NRG1: variants seen among roughly 807,000 people sequenced by gnomAD.
NRG1 encodes neuregulin 1, also known as pro-neuregulin-1, membrane-bound isoform.
Under a neutral mutation model 63.8 loss-of-function variants are expected in NRG1, and 18 were observed. The ratio of observed to expected loss-of-function variants is 0.28; its 90% CI spans 0.19 to 0.42. The LOEUF is 0.42. Among genes scored for constraint, NRG1 ranks in the 10% least tolerant of loss-of-function variants. The probability of loss-of-function intolerance (pLI) is 1.00; values close to 1 mark genes in which losing one functional copy is unlikely to be tolerated. For missense variants in NRG1, 762 were observed against 814.7 expected (o/e 0.94, Z 0.79); for synonymous variants, 302 against 301.3 (o/e 1.00, Z -0.02).
chr8:32,147,711 A>G (rs1248906582), intron 1 of NRG1, among the ~76,000 whole-genome samples: 2 of 152,030 alleles, frequency 1.3e-5, no homozygotes, highest in East Asian at 1.9e-4. Context: ...TTGGTATTCA[A>G]TTAATACTTG....
chr8:31,925,449 T>C (rs982913625), intron 1 of NRG1, among the ~76,000 whole-genome samples: 4 of 152,102 alleles, frequency 2.6e-5, no homozygotes, highest in African/African-American at 9.7e-5. Flanking sequence ...GTTAATACTT[T>C]ATGACAAATT....
intron 1 of NRG1, among the ~76,000 whole-genome samples, chr8:31,822,543 C>T (rs949409314): frequency 1.3e-5 from 2 of 152,152 alleles, no homozygotes; most frequent in Non-Finnish European, 2.9e-5. Context: ...GCACAGCAGC[C>T]ACTAGGCCTC....
intron 5 of NRG1, among the ~76,000 whole-genome samples, chr8:32,693,365 C>T (rs1397143416): frequency 6.6e-6 from 1 of 151,892 alleles, no homozygotes; most frequent in East Asian, 1.9e-4. Context: ...ACTACAGGTG[C>T]CTGCCACCAC....
intron 1 of NRG1, among the ~76,000 whole-genome samples, chr8:31,857,787 A>G (rs914299343): frequency 1.6e-4 from 24 of 152,212 alleles, no homozygotes; most frequent in Non-Finnish European, 3.1e-4. Flanking sequence ...AATTCAAGCA[A>G]TTTCCTTATT....
chr8:32,049,047 A>T (rs547868604), intron 1 of NRG1, among the ~76,000 whole-genome samples: 45 of 152,180 alleles, frequency 3.0e-4, no homozygotes, highest in Admixed American at 5.2e-4. Context: ...AAAGAACTTG[A>T]AGACCGCAAA....
intron 1 of NRG1, among the ~76,000 whole-genome samples, chr8:32,038,873 T>A (rs368427001): frequency 1.3e-5 from 2 of 152,076 alleles, no homozygotes; most frequent in Admixed American, 1.3e-4. Context: ...AGGAATGCTG[T>A]CCCTGGAAAC....
At chr8:31,755,823 C>A (rs186905354) in intron 1 of NRG1, among the ~76,000 whole-genome samples, 3 of 151,994 alleles carry the variant, frequency 2.0e-5, no homozygotes, top group African/African-American at 7.2e-5. Flanking sequence ...ATGTGAGAAG[C>A]GAATCACAAT....
chr8:32,679,847 C>T (rs1808138333), intron 5 of NRG1, among the ~76,000 whole-genome samples: 1 of 152,162 alleles, frequency 6.6e-6, no homozygotes. Context: ...GAAGTTATTG[C>T]TAATGCACTT....
rs77126207 is a variant in NRG1 at position 32,011,461 on chromosome 8, G to A, written c.37+372030G>A. ...AGGTTAGGCATTCATCAAAATGTCA[G>A]AATGATTACAGTACAGATCTAAAAT... is the stretch of plus-strand genomic sequence containing the variant. On this transcript the variant is annotated intron_variant, in intron 1 of 10. Transcript: ENST00000519301. Among the ~76,000 whole-genome samples the A allele has an allele frequency of 5.2e-3, 794 of 152,232 alleles. 17 individuals are homozygous for A. In the East Asian group the frequency reaches 0.064, roughly 12 times the overall value.
At chr8:31,672,715 T>C (rs542928739) in intron 1 of NRG1, among the ~76,000 whole-genome samples, 1 of 152,276 alleles carries the variant, frequency 6.6e-6, no homozygotes, top group East Asian at 1.9e-4. Context: ...AAAATTGCAA[T>C]AATTAAACTG....
At chr8:32,238,445 GA>G (rs111889956) in intron 1 of NRG1, among the ~76,000 whole-genome samples, 5,311 of 106,264 alleles carry the variant, frequency 0.05, 106 homozygotes, top group East Asian at 0.089. Context: ...TTCTCAAAAA[GA>G]AAAAAAAAAA....
At chr8:31,772,702 T>C (rs1480273466) in intron 1 of NRG1, among the ~76,000 whole-genome samples, 5 of 152,134 alleles carry the variant, frequency 3.3e-5, no homozygotes. Context: ...ATTTTCTGCT[T>C]CCTTCCTTAT....
chr8:32,008,052 G>A (rs1478507276), intron 1 of NRG1, among the ~76,000 whole-genome samples: 2 of 151,848 alleles, frequency 1.3e-5, no homozygotes, highest in Non-Finnish European at 2.9e-5. Context: ...AGGTGGGACT[G>A]GTATATTTCT....
intron 1 of NRG1, among the ~76,000 whole-genome samples, chr8:32,455,558 T>C (rs1387155873): frequency 6.6e-6 from 1 of 152,168 alleles, no homozygotes; most frequent in East Asian, 1.9e-4. Flanking sequence ...AAAACAACAG[T>C]ATAGCAGGCA....
intron 5 of NRG1, among the ~76,000 whole-genome samples, chr8:32,712,375 C>T (rs1818049625): frequency 2.6e-5 from 4 of 152,118 alleles, no homozygotes; most frequent in Admixed American, 2.6e-4. Context: ...ATATTTGATA[C>T]CTTTCTTTTT....
At chr8:32,217,762 C>T (rs1477685558) in intron 1 of NRG1, among the ~76,000 whole-genome samples, 2 of 152,092 alleles carry the variant, frequency 1.3e-5, no homozygotes, top group Non-Finnish European at 2.9e-5. Context: ...GAAATCTTTA[C>T]CTAGGATATG....
intron 1 of NRG1, among the ~76,000 whole-genome samples, chr8:32,064,281 T>C (rs899008): frequency 0.97 from 147,877 of 152,196 alleles, 71,967 homozygotes; most frequent in East Asian, 1. Flanking sequence ...CAAGATGGGA[T>C]GGAGATTCTG....
chr8:32,240,959 C>T (rs1848040872), intron 1 of NRG1, among the ~76,000 whole-genome samples: 1 of 151,930 alleles, frequency 6.6e-6, no homozygotes, highest in Non-Finnish European at 1.5e-5. Context: ...ACCTGAGACT[C>T]CAGGAGAGTA....
At chr8:32,630,484 T>C (rs957734216) in intron 5 of NRG1, among the ~76,000 whole-genome samples, 14 of 152,218 alleles carry the variant, frequency 9.2e-5, no homozygotes, top group Admixed American at 9.2e-4. Context: ...AAAAGGTATA[T>C]GCATTAAACA....
Sources: gnomAD v4.1 joint callset for allele counts (sites outside exome capture counted in the v4.1 genomes callset) on GRCh38, gnomAD v4.1.1 for gene constraint, MANE v1.5 for transcripts, NCBI Gene and HGNC (gene_info 2026-07-23, HGNC 2026-07-21) for gene names.